CIB2: variants seen among roughly 807,000 people sequenced by gnomAD.
The protein encoded by CIB2 is calcium and integrin binding family member 2, also known as calcium and integrin-binding family member 2.
CIB2 carries 19 observed loss-of-function variants against 23.1 expected under a neutral mutation model. The observed-to-expected ratio is 0.82, with a 90% confidence interval of 0.57 to 1.21. CIB2 has a LOEUF of 1.21. Among genes scored for constraint, CIB2 ranks in the 50% most tolerant of loss-of-function variants. The pLI is 0.00. For missense variants in CIB2, 220 were observed against 241.5 expected (o/e 0.91, Z 0.59); for synonymous variants, 94 against 91.7 (o/e 1.03, Z -0.14).
At chr15:78,120,620 T>C (rs1340931464) in intron 2 of CIB2, 1 of 979,684 alleles carries the variant, frequency 1.0e-6, no homozygotes, top group African/African-American at 1.8e-5. Flanking sequence ...GGCCTCAATG[T>C]GGGAATGCAG....
intron 2 of CIB2, among the ~76,000 whole-genome samples, chr15:78,121,249 A>G (rs1393869745): frequency 2.0e-5 from 3 of 152,182 alleles, no homozygotes; most frequent in African/African-American, 7.2e-5. Context: ...GCCTGTGAGA[A>G]AACAGCTCCT....
intron 2 of CIB2, among the ~76,000 whole-genome samples, chr15:78,115,344 G>C (rs1212533899): frequency 6.6e-6 from 1 of 152,032 alleles, no homozygotes; most frequent in African/African-American, 2.4e-5. Context: ...TGCAACCTCT[G>C]CCTCCAGGGT....
Position 78,131,415 on chromosome 15 carries a change from G to A in CIB2, c.-200C>T. 4.7e-6 allele frequency: 1 copy of A among 214,596 alleles called. No homozygotes were observed. Among genetic ancestry groups the A allele is most frequent in the Admixed American group, 6.0e-5 (1 of 16,648 alleles). The allele number at this position is 214,596 out of a possible 1,614,324, so 13.3% of individuals were successfully genotyped here. The stretch of plus-strand genomic sequence containing the variant: ...TCGGAGGCGGGGACGGGAACCCGGA[G>A]CGGCAGCGACTCCGCCGCCGGCGGG... On this transcript the variant is annotated 5_prime_UTR_variant, in exon 1 of 6. Transcript: ENST00000258930. This position sits in a 1 kb window ranked among gnomAD's most constrained non-coding sequence, Gnocchi z 5.8.
chr15:78,108,651 G>A (rs2074106820), intron 4 of CIB2, among the ~76,000 whole-genome samples: 1 of 152,174 alleles, frequency 6.6e-6, no homozygotes, highest in South Asian at 2.1e-4. Context: ...CATGGCCTAG[G>A]CAGCCTCTCT....
Position 78,105,866 on chromosome 15 carries a change from C to G in CIB2, c.415G>C (p.Glu139Gln). 6.2e-7 allele frequency: 1 copy of G among 1,614,254 alleles called. No individual in the cohort carries two copies. The highest frequency in any genetic ancestry group is 1.1e-5 in the South Asian group (1 of 91,088). The part of the protein sequence containing the change: ...ELTLARLTKS[E>Q]LDEEEVVLVC... Reference sequence around the variant, plus strand: ...AGCACCACCTCCTCCTCATCCAGCTCTGACTTAGTGAGCCGGGCCAGCGTC... The same window carrying G: ...AGCACCACCTCCTCCTCATCCAGCTGTGACTTAGTGAGCCGGGCCAGCGTC... The change falls in exon 5 of 6, where the codon GAG becomes CAG. Residue 139 changes from glutamate to glutamine, a missense_variant. Coordinates refer to ENST00000258930, the MANE Select transcript of CIB2 (RefSeq NM_006383.4).
chr15:78,126,081 C>T (rs1036783076), intron 1 of CIB2, among the ~76,000 whole-genome samples: 5 of 151,972 alleles, frequency 3.3e-5, no homozygotes, highest in Admixed American at 1.3e-4. Flanking sequence ...CCTTAAGTTG[C>T]ACACACAGCC....
chr15:78,120,025 C>T (rs1201079254), intron 2 of CIB2, among the ~76,000 whole-genome samples: 1 of 151,526 alleles, frequency 6.6e-6, no homozygotes, highest in Non-Finnish European at 1.5e-5. Context: ...CTCAGCCTCC[C>T]AAGGAGCTGG....
At chr15:78,121,632 C>A (rs146233491) in intron 2 of CIB2, among the ~76,000 whole-genome samples, 33 of 152,304 alleles carry the variant, frequency 2.2e-4, no homozygotes, top group Admixed American at 2.0e-3. Context: ...GGCTTCTCCC[C>A]CTTTGCCCAG....
intron 2 of CIB2, among the ~76,000 whole-genome samples, chr15:78,113,899 T>G (rs75599090): frequency 0.06 from 9,123 of 152,214 alleles, 450 homozygotes; most frequent in East Asian, 0.15. Flanking sequence ...TGACCCCACC[T>G]CATATGTGGC....
At chr15:78,129,559 T>C (rs2074426555) in intron 1 of CIB2, among the ~76,000 whole-genome samples, 1 of 152,174 alleles carries the variant, frequency 6.6e-6, no homozygotes, top group Admixed American at 6.5e-5. Context: ...CCTGCTCAAG[T>C]GCTGTATCGT....
At chr15:78,122,642 C>T (rs914246145) in intron 2 of CIB2, among the ~76,000 whole-genome samples, 4 of 152,236 alleles carry the variant, frequency 2.6e-5, no homozygotes, top group African/African-American at 7.2e-5. Flanking sequence ...TTCACTATCC[C>T]TATTATACAG....
At chr15:78,108,866 T>G (rs1012611417) in intron 4 of CIB2, among the ~76,000 whole-genome samples, 2 of 151,818 alleles carry the variant, frequency 1.3e-5, no homozygotes, top group African/African-American at 2.4e-5. Flanking sequence ...TCCCATCTCC[T>G]TATCAAGCTC....
chr15:78,122,617 G>A lies in CIB2; in HGVS notation c.86+1088C>T, dbSNP rs138860487. Reference sequence around the variant, plus strand: ...CCCAGTGTTGCTGCCTCTCGGCAATGCTATGAGGGTAGGTTTCACTATCCC... The same window carrying A: ...CCCAGTGTTGCTGCCTCTCGGCAATACTATGAGGGTAGGTTTCACTATCCC... On this transcript the variant is annotated intron_variant, in intron 2 of 5. Coordinates refer to ENST00000258930, the MANE Select transcript of CIB2 (RefSeq NM_006383.4). Among the ~76,000 whole-genome samples the A allele has an allele frequency of 4.6e-5, 7 of 152,380 alleles. No homozygotes were observed. The East Asian group carries it at 1.3e-3, about 29-fold the overall frequency.
At chr15:78,123,186 T>C (rs529733206) in intron 2 of CIB2, among the ~76,000 whole-genome samples, 11 of 152,276 alleles carry the variant, frequency 7.2e-5, no homozygotes, top group African/African-American at 2.6e-4. Context: ...GTGGTGGCCA[T>C]GCCCTCAACT....
At chr15:78,116,960 C>CAAA (rs145622847) in intron 2 of CIB2, among the ~76,000 whole-genome samples, 10 of 135,666 alleles carry the variant, frequency 7.4e-5, no homozygotes, top group African/African-American at 2.1e-4. Context: ...TTAAAAGAAC[C>CAAA]AAAAAAAAAA....
chr15:78,109,512 G>C (rs1250901398), intron 3 of CIB2, 130 bp from the exon 4 acceptor site: 2 of 960,930 alleles, frequency 2.1e-6, no homozygotes, highest in Non-Finnish European at 3.3e-6. Context: ...TTCCCCATCT[G>C]TAAAAAGGGA....
chr15:78,108,619 C>T (rs1236021893), intron 4 of CIB2, among the ~76,000 whole-genome samples: 1 of 152,180 alleles, frequency 6.6e-6, no homozygotes, highest in African/African-American at 2.4e-5. Flanking sequence ...CAGAGGCCCC[C>T]CTGCAGGCCT....
At chr15:78,123,841 T>G (rs1285318932) in intron 1 of CIB2, 102 bp from the exon 2 acceptor site, 9 of 1,339,170 alleles carry the variant, frequency 6.7e-6, no homozygotes, top group Non-Finnish European at 8.6e-6. Flanking sequence ...AGCTCCGGAC[T>G]GGGGACAGAA....
intron 1 of CIB2, among the ~76,000 whole-genome samples, chr15:78,126,554 A>G (rs191535887): frequency 2.4e-3 from 363 of 152,300 alleles, no homozygotes; most frequent in African/African-American, 7.8e-3. Context: ...CTACAAACAG[A>G]GCCATGACCA....
Sources: allele counts gnomAD v4.1 joint callset (sites outside exome capture counted in the v4.1 genomes callset), GRCh38; gene constraint gnomAD v4.1.1; non-coding constraint Gnocchi (gnomAD v3.1); transcripts MANE v1.5; gene names NCBI Gene and HGNC (gene_info 2026-07-23, HGNC 2026-07-21).